Variants in TAAR1 observed in about 807,000 individuals in gnomAD.
TAAR1 encodes trace amine-associated receptor 1.
A neutral mutation model predicts 1.2 loss-of-function variants in TAAR1; 1 was observed. The observed-to-expected ratio is 0.81, with a 90% CI of 0.29 to 3.86. The LOEUF (loss-of-function observed/expected upper bound fraction) is 3.86, where lower values mean the gene tolerates loss of function less well. Among genes scored for constraint, TAAR1 ranks in the 30% most tolerant of loss-of-function variants. The pLI is 0.18. For synonymous variants in TAAR1, 153 were observed against 132.2 expected (o/e 1.16, Z -1.08); for missense variants, 445 against 405.6 (o/e 1.10, Z -0.83).
intron 1 of TAAR1, among the ~76,000 whole-genome samples, 50 bp downstream of exon 1, chr6:132,659,080 T>C (rs776927110): frequency 6.6e-5 from 10 of 152,200 alleles, no homozygotes; most frequent in Non-Finnish European, 1.0e-4. Flanking sequence ...TTTAGGCCTT[T>C]GGGTTAGTCT....
chr6:132,655,601 GGC>G (rs1270130328), intron 1 of TAAR1, among the ~76,000 whole-genome samples: 4 of 152,022 alleles, frequency 2.6e-5, no homozygotes, highest in Non-Finnish European at 4.4e-5. Context: ...CTCCTGGCTT[GGC>G]CTCCAAAAGC....
chr6:132,657,216 A>T (rs988877613), intron 1 of TAAR1, among the ~76,000 whole-genome samples: 1 of 152,126 alleles, frequency 6.6e-6, no homozygotes, highest in South Asian at 2.1e-4. Flanking sequence ...TCTTGACTGG[A>T]TGGAAAGATG....
rs532169298 is a variant in TAAR1 at position 132,651,794 on chromosome 6, G to T, written c.-126-5665C>A. Reference sequence around the variant, plus strand: ...TTTTCACATAAATTCTTCCAGAATGGTAGAACATGAGTCTCAAATGTAAAA... The same window carrying T: ...TTTTCACATAAATTCTTCCAGAATGTTAGAACATGAGTCTCAAATGTAAAA... On this transcript the variant is annotated intron_variant, in intron 1 of 1. Transcript: ENST00000275216. Among the ~76,000 whole-genome samples the T allele has an allele frequency of 3.9e-5, 6 of 152,288 alleles. No homozygotes were observed. The South Asian group carries it at 1.2e-3, about 32-fold the overall frequency.
In TAAR1 at chr6:132,645,832, T is replaced by C. The variant is rs1406045612; in HGVS notation, c.172A>G (p.Thr58Ala). The C allele has an allele frequency of 2.0e-5, 33 of 1,613,642 alleles. No homozygotes were observed. In the Admixed American group the frequency reaches 4.7e-4, roughly 23 times the overall value. Residue 58 changes from threonine to alanine, a missense_variant, in exon 2 of 2, where the codon ACA becomes GCA. By Grantham distance (58) the Thr-to-Ala change is moderately conservative. Transcript: ENST00000275216. ...GCCATGGAATGAATGAGCCAATTTG[T>C]TGGGGTATGAAGTTGTTTGAAGTGT... ...ISHFKQLHTP[T>A]NWLIHSMATV... is the part of the protein sequence containing the mutation.
chr6:132,645,112 T>C lies in TAAR1; in HGVS notation c.892A>G (p.Thr298Ala), dbSNP rs778090245. ...VLIWFGYLNS[T>A]FNPMVYAFFY... is the part of the protein sequence containing the mutation. The stretch of plus-strand genomic sequence containing the variant: ...AATGCATAAACCATTGGATTAAATG[T>C]AGAGTTCAAGTAGCCAAACCAAATC... Residue 298 changes from threonine (T) to alanine (A), a missense_variant, in exon 2 of 2, where the codon ACA (threonine) becomes GCA (alanine). Physicochemically the swap from Thr to Ala is moderately conservative, Grantham distance 58. Coordinates refer to ENST00000275216, the MANE Select transcript of TAAR1 (RefSeq NM_138327.4). 2.9e-5 allele frequency: 47 copies of C among 1,612,864 alleles called. No individual in the cohort carries two copies. Among genetic ancestry groups the C allele is most frequent in the African/African-American group, 4.0e-5 (3 of 74,828 alleles).
chr6:132,656,335 A>T lies in TAAR1; in HGVS notation c.-127+2795T>A, dbSNP rs9385622. Among the ~76,000 whole-genome samples the T allele has an allele frequency of 1.1e-3, 172 of 152,320 alleles. 1 individual carries two copies. The East Asian group carries it at 0.027, about 24-fold the overall frequency. On this transcript the variant is annotated intron_variant, in intron 1 of 1. Coordinates refer to ENST00000275216, the MANE Select transcript of TAAR1 (RefSeq NM_138327.4). ...AGGGAAATCAAGGTGCTGTGTCAAG[A>T]ATACACATATATTTAAATTTAAATA...
At position 132,644,194 on chromosome 6, in the gene TAAR1, A is replaced by G. The variant is rs141656232; in HGVS notation, c.*790T>C. 1.5e-3 allele frequency among the ~76,000 whole-genome samples: 226 copies of G among 152,154 alleles called. No individual in the cohort carries two copies. Among genetic ancestry groups the G allele is most frequent in the African/African-American group, 5.3e-3 (220 of 41,562 alleles). The stretch of plus-strand genomic sequence containing the variant: ...TGCAGTCACGTTATACAGCCACAAA[A>G]AGGGATTACTCATAGCTCAAACCTC... On this transcript the variant is annotated 3_prime_UTR_variant, in exon 2 of 2. Transcript: ENST00000275216.
At chr6:132,658,553 A>T (rs1777834743) in intron 1 of TAAR1, among the ~76,000 whole-genome samples, 1 of 152,152 alleles carries the variant, frequency 6.6e-6, no homozygotes, top group African/African-American at 2.4e-5. Flanking sequence ...GAAAGGGATT[A>T]TGTTAATATG....
chr6:132,644,553 G>A lies in TAAR1; in HGVS notation c.*431C>T, dbSNP rs1452942478. Among the ~76,000 whole-genome samples the A allele has an allele frequency of 6.6e-6, 1 of 151,970 alleles. No individual in the cohort carries two copies. Among genetic ancestry groups the A allele is most frequent in the African/African-American group, 2.4e-5 (1 of 41,390 alleles). On this transcript the variant is annotated 3_prime_UTR_variant, in exon 2 of 2. Coordinates refer to ENST00000275216, the MANE Select transcript of TAAR1 (RefSeq NM_138327.4). ...TATTTAGCGGTAACATTTAATGTGT[G>A]TACTTTTAGTTGATTTTACTAAAAG...
Position 132,645,730 on chromosome 6 carries a change from C to G in TAAR1, c.274G>C (p.Gly92Arg). 3 of 1,613,650 alleles carry G rather than the reference C, an allele frequency of 1.9e-6. No individual in the cohort carries two copies. The South Asian group carries it at 3.3e-5, about 18-fold the overall frequency. Residue 92 changes from glycine (G) to arginine (R), a missense_variant, in exon 2 of 2, where the codon GGA becomes CGA. Gly to Arg is a moderately radical substitution (Grantham distance 125, BLOSUM62 -2). Transcript: ENST00000275216. Reference protein sequence around the residue: ...VRSAEHCWYFGEVFCKIHTST... With the variant: ...VRSAEHCWYFREVFCKIHTST... ...GTGTGAATTTTACAGAAGACTTCTCCAAAATACCAACAGTGCTCAGCAGAT... is the reference window on the plus strand; with the variant it reads ...GTGTGAATTTTACAGAAGACTTCTCGAAAATACCAACAGTGCTCAGCAGAT...
At chr6:132,656,932 G>A (rs1777809587) in intron 1 of TAAR1, among the ~76,000 whole-genome samples, 1 of 151,866 alleles carries the variant, frequency 6.6e-6, no homozygotes, top group Admixed American at 6.6e-5. Context: ...AAATACTCTA[G>A]CAATATAAAA....
intron 1 of TAAR1, among the ~76,000 whole-genome samples, chr6:132,657,882 A>AT (rs1404066827): frequency 6.6e-6 from 1 of 152,054 alleles, no homozygotes; most frequent in African/African-American, 2.4e-5. Context: ...ATAACTAGAA[A>AT]TTTTTTTAAT....
intron 1 of TAAR1, among the ~76,000 whole-genome samples, chr6:132,657,444 T>C (rs968778490): frequency 6.6e-6 from 1 of 151,854 alleles, no homozygotes; most frequent in South Asian, 2.1e-4. Context: ...TTAAATAAAA[T>C]GATCTGGTTC....
At chr6:132,650,944 G>A (rs933136469) in intron 1 of TAAR1, among the ~76,000 whole-genome samples, 9 of 152,086 alleles carry the variant, frequency 5.9e-5, no homozygotes, top group Non-Finnish European at 1.5e-5. Flanking sequence ...AACCCTTTGA[G>A]TCATTTATAC....
Position 132,644,808 on chromosome 6 carries a change from T to C in TAAR1, c.*176A>G, listed in dbSNP as rs1777640392. ...TGGTAAGAATGGAAAAGCGTATACC[T>C]ACTATGTCCCAAATAGGAAATTACC... On this transcript the variant is annotated 3_prime_UTR_variant, in exon 2 of 2. Coordinates refer to ENST00000275216, the MANE Select transcript of TAAR1 (RefSeq NM_138327.4). 6.6e-6 allele frequency among the ~76,000 whole-genome samples: 1 copy of C among 152,030 alleles called. No individual in the cohort carries two copies. The highest frequency in any genetic ancestry group is 2.1e-4 in the South Asian group (1 of 4,824).
intron 1 of TAAR1, among the ~76,000 whole-genome samples, chr6:132,657,546 C>G (rs79632203): frequency 1.3e-5 from 2 of 151,756 alleles, no homozygotes; most frequent in Non-Finnish European, 2.9e-5. Context: ...ATTATGTATT[C>G]TAAAATATCA....
intron 1 of TAAR1, among the ~76,000 whole-genome samples, chr6:132,647,882 A>T (rs1777704631): frequency 6.6e-6 from 1 of 152,054 alleles, no homozygotes. Context: ...GAATGAGAGA[A>T]ATGCAATATC....
intron 1 of TAAR1, among the ~76,000 whole-genome samples, chr6:132,647,443 GGA>G (rs1184780498): frequency 6.8e-6 from 1 of 147,916 alleles, no homozygotes; most frequent in East Asian, 2.0e-4. Flanking sequence ...AGAAGAGGGG[GGA>G]GAGAGAGAGA....
chr6:132,657,488 T>A (rs1462260267), intron 1 of TAAR1, among the ~76,000 whole-genome samples: 1 of 152,004 alleles, frequency 6.6e-6, no homozygotes, highest in African/African-American at 2.4e-5. Flanking sequence ...GTCAATAGTA[T>A]ATTTTTAAGT....
Sources: allele counts gnomAD v4.1 joint callset (sites outside exome capture counted in the v4.1 genomes callset), GRCh38; gene constraint gnomAD v4.1.1; transcripts MANE v1.5; gene names NCBI Gene and HGNC (gene_info 2026-07-23, HGNC 2026-07-21).